Variants in CACNA2D1 observed in about 807,000 individuals in gnomAD.
CACNA2D1 encodes the protein voltage-dependent calcium channel subunit alpha-2/delta-1.
In CACNA2D1, 53 loss-of-function variants were observed where a neutral mutation model predicts 171.5. That is an observed-to-expected ratio of 0.31 (90% CI 0.25 to 0.39). The LOEUF (loss-of-function observed/expected upper bound fraction) is 0.39. CACNA2D1 is among the 10% of genes least tolerant of loss of function. The probability of loss-of-function intolerance (pLI) is 1.00; values close to 1 mark genes in which losing one functional copy is unlikely to be tolerated. For synonymous variants in CACNA2D1, 442 were observed against 443.1 expected (o/e 1.00, Z 0.03); for missense variants, 903 against 1,299.8 (o/e 0.69, Z 4.69).
Position 82,394,197 on chromosome 7 carries a change from G to A in CACNA2D1, c.96-44548C>T, listed in dbSNP as rs371487919. The stretch of plus-strand genomic sequence containing the variant: ...CTCCAAAAGACACATTTCTTGATAC[G>A]TCTACCTGCATTTTAAATCACAATC... On this transcript the variant is annotated intron_variant, in intron 1 of 38. Transcript: ENST00000356860. Among the ~76,000 whole-genome samples the A allele has an allele frequency of 4.5e-4, 68 of 152,100 alleles. 1 individual carries two copies. Among genetic ancestry groups the A allele is most frequent in the Admixed American group, 2.7e-3 (41 of 15,274 alleles).
At chr7:82,386,507 G>C (rs1173628596) in intron 1 of CACNA2D1, among the ~76,000 whole-genome samples, 2 of 151,818 alleles carry the variant, frequency 1.3e-5, no homozygotes, top group Admixed American at 6.6e-5. Flanking sequence ...AGCACTTTGG[G>C]AGATCACCAG....
intron 1 of CACNA2D1, among the ~76,000 whole-genome samples, chr7:82,384,956 T>C (rs1438010309): frequency 6.6e-5 from 10 of 152,348 alleles, no homozygotes. Flanking sequence ...ATCACATTAA[T>C]GTATTGCAAT....
At chr7:82,112,027 G>C (rs990422012) in intron 6 of CACNA2D1, among the ~76,000 whole-genome samples, 6 of 151,834 alleles carry the variant, frequency 4.0e-5, no homozygotes, top group African/African-American at 1.2e-4. Context: ...TTTGAAAGAA[G>C]ATAATATTTC....
At chr7:81,953,534 CCAGTAA>C (rs1450984273) in intron 38 of CACNA2D1, among the ~76,000 whole-genome samples, 2 of 150,418 alleles carry the variant, frequency 1.3e-5, no homozygotes, top group Non-Finnish European at 3.0e-5. Flanking sequence ...AAACAGGGTA[CCAGTAA>C]CAATTGAATA....
At chr7:82,238,599 G>T in intron 3 of CACNA2D1, among the ~76,000 whole-genome samples, 1 of 152,150 alleles carries the variant, frequency 6.6e-6, no homozygotes, top group South Asian at 2.1e-4. Flanking sequence ...AGAAAAAAAA[G>T]AAACGCTTAT....
chr7:82,370,042 T>C (rs923629068), intron 1 of CACNA2D1, among the ~76,000 whole-genome samples: 1 of 152,088 alleles, frequency 6.6e-6, no homozygotes, highest in Non-Finnish European at 1.5e-5. Flanking sequence ...TGTTAGAAAG[T>C]TCTTTAACTT....
intron 5 of CACNA2D1, among the ~76,000 whole-genome samples, chr7:82,118,557 A>C (rs1429870972): frequency 6.6e-6 from 1 of 152,140 alleles, no homozygotes; most frequent in Non-Finnish European, 1.5e-5. Context: ...CCAATAATAC[A>C]ATGAGAATAT....
intron 3 of CACNA2D1, among the ~76,000 whole-genome samples, chr7:82,322,082 C>G (rs1300399277): frequency 7.4e-6 from 1 of 134,590 alleles, no homozygotes; most frequent in African/African-American, 2.8e-5. Flanking sequence ...GCCGAGATCC[C>G]GCCACTGCAC....
chr7:82,160,265 TACA>T (rs1236950228), intron 4 of CACNA2D1, among the ~76,000 whole-genome samples: 2 of 151,932 alleles, frequency 1.3e-5, no homozygotes, highest in African/African-American at 2.4e-5. Flanking sequence ...TTCTTAATCA[TACA>T]ACAACTCAGA....
chr7:82,290,989 C>G (rs138501356), intron 3 of CACNA2D1, among the ~76,000 whole-genome samples: 1 of 115,016 alleles, frequency 8.7e-6, no homozygotes, highest in Non-Finnish European at 1.7e-5. Flanking sequence ...TTTTTTTTTT[C>G]CTTTGAGACA....
At position 81,961,798 on chromosome 7, in the gene CACNA2D1, G is replaced by A. The variant is rs572038424; in HGVS notation, c.2966+96C>T. 1.6e-4 allele frequency: 159 copies of A among 963,818 alleles called. 1 individual carries two copies. The highest frequency in any genetic ancestry group is 2.2e-4 in the Non-Finnish European group (137 of 619,152). The allele number at this position is 963,818 out of a possible 1,614,324, so 59.7% of individuals were successfully genotyped here. Reference sequence around the variant, plus strand: ...TCCAACACAATTTTCAGTTTTTTCTGTAATGATTATAACAGTATATACAAT... The same window carrying A: ...TCCAACACAATTTTCAGTTTTTTCTATAATGATTATAACAGTATATACAAT... On this transcript the variant is annotated intron_variant, in intron 36 of 38. Coordinates refer to ENST00000356860, the MANE Select transcript of CACNA2D1 (RefSeq NM_000722.4).
intron 36 of CACNA2D1, among the ~76,000 whole-genome samples, chr7:81,960,891 T>A (rs893610683): frequency 3.3e-5 from 5 of 152,042 alleles, no homozygotes; most frequent in Non-Finnish European, 5.9e-5. Context: ...TCTGAGTTCA[T>A]GCTTGACTCT....
intron 3 of CACNA2D1, among the ~76,000 whole-genome samples, chr7:82,259,915 A>C (rs1162743750): frequency 6.6e-6 from 1 of 152,300 alleles, no homozygotes; most frequent in Non-Finnish European, 1.5e-5. Flanking sequence ...GGTTGATATA[A>C]GAATTACGTG....
intron 3 of CACNA2D1, among the ~76,000 whole-genome samples, chr7:82,206,796 T>A (rs958748625): frequency 2.0e-5 from 3 of 152,200 alleles, no homozygotes; most frequent in Non-Finnish European, 4.4e-5. Context: ...GTGAGAGATA[T>A]AGATATGTTT....
At chr7:82,298,687 T>G (rs1812597039) in intron 3 of CACNA2D1, among the ~76,000 whole-genome samples, 1 of 152,064 alleles carries the variant, frequency 6.6e-6, no homozygotes, top group Admixed American at 6.5e-5. Context: ...GTGTTCTGAG[T>G]AGCAGGGGCT....
intron 4 of CACNA2D1, among the ~76,000 whole-genome samples, chr7:82,163,534 A>G (rs1413960111): frequency 6.6e-6 from 1 of 152,048 alleles, no homozygotes; most frequent in Non-Finnish European, 1.5e-5. Context: ...ACACACAAAG[A>G]AAGGCACTTC....
chr7:82,290,952 C>A (rs1163733237), intron 3 of CACNA2D1, among the ~76,000 whole-genome samples: 1 of 150,274 alleles, frequency 6.7e-6, no homozygotes, highest in Non-Finnish European at 1.5e-5. Context: ...ACTTCTAGAG[C>A]CAGTCATTTT....
chr7:82,182,833 C>G (rs1257392435), intron 3 of CACNA2D1, among the ~76,000 whole-genome samples: 1 of 152,026 alleles, frequency 6.6e-6, no homozygotes, highest in South Asian at 2.1e-4. Flanking sequence ...GTCGGGAGTT[C>G]GAGACCTGTC....
chr7:82,229,929 G>T (rs945861959), intron 3 of CACNA2D1, among the ~76,000 whole-genome samples: 1 of 152,064 alleles, frequency 6.6e-6, no homozygotes, highest in Non-Finnish European at 1.5e-5. Flanking sequence ...ATTTATAATT[G>T]CCACAAAAAT....
Sources: allele counts gnomAD v4.1 joint callset (sites outside exome capture counted in the v4.1 genomes callset), GRCh38; gene constraint gnomAD v4.1.1; transcripts MANE v1.5; gene names NCBI Gene and HGNC (gene_info 2026-07-23, HGNC 2026-07-21).